Variants in SRRD observed in about 807,000 individuals in gnomAD.
SRRD encodes the protein SRR1-like protein.
In SRRD, 28 loss-of-function variants were observed where a neutral mutation model predicts 30.7. The observed-to-expected ratio is 0.91, with a 90% CI of 0.68 to 1.25. SRRD has a LOEUF of 1.25. Among genes scored for constraint, SRRD ranks in the 50% most tolerant of loss-of-function variants. The pLI is 0.00. For missense variants in SRRD, 415 were observed against 417.3 expected, an observed-to-expected ratio of 0.99 and a Z score of 0.05; for synonymous variants, 161 against 159.6, an observed-to-expected ratio of 1.01 and a Z score of -0.07.
Position 26,494,572 on chromosome 22 carries a change from C to T in SRRD, c.*2900C>T. The T allele has an allele frequency of 4.2e-6, 3 of 712,224 alleles. No homozygotes were observed. The highest frequency in any genetic ancestry group is 6.8e-6 in the Non-Finnish European group (3 of 438,444). The allele number at this position is 712,224 out of a possible 1,614,324, so 44.1% of individuals were successfully genotyped here. On this transcript the variant is annotated 3_prime_UTR_variant, in exon 7 of 7. Transcript: ENST00000215917. ...CCATATCCCCTACCCCATAGGGTTG[C>T]TGAGAGGAGCTGAGATAAAGCAAAT...
chr22:26,489,710 G>A (rs1049683051), intron 4 of SRRD, among the ~76,000 whole-genome samples: 2 of 152,114 alleles, frequency 1.3e-5, no homozygotes, highest in African/African-American at 2.4e-5. Context: ...GAACACAGGG[G>A]AAATACATGG....
intron 1 of SRRD, among the ~76,000 whole-genome samples, chr22:26,485,130 A>G (rs1182803289): frequency 6.6e-6 from 1 of 152,170 alleles, no homozygotes; most frequent in Non-Finnish European, 1.5e-5. Context: ...AACTCAAGGC[A>G]TTTTTCATAT....
intron 4 of SRRD, among the ~76,000 whole-genome samples, chr22:26,488,829 G>A (rs1263269876): frequency 6.6e-6 from 1 of 152,236 alleles, no homozygotes; most frequent in Non-Finnish European, 1.5e-5. Flanking sequence ...GGTCTTTGTG[G>A]TTGGATTTTA....
At chr22:26,488,539 T>G (rs763526000) in intron 4 of SRRD, 51 bp downstream of exon 4, 1 of 1,405,784 alleles carries the variant, frequency 7.1e-7, no homozygotes, top group Non-Finnish European at 1.0e-6. Flanking sequence ...CTGACCAGAC[T>G]CACCCCAGGC....
chr22:26,490,361 G>A (rs192685144), intron 5 of SRRD, among the ~76,000 whole-genome samples, 163 bp downstream of exon 5: 14 of 152,138 alleles, frequency 9.2e-5, no homozygotes, highest in Non-Finnish European at 1.8e-4. Context: ...ATCCTGATTC[G>A]AACTATGAAG....
At position 26,492,298 on chromosome 22, in the gene SRRD, G is replaced by A. The variant is rs201235822; in HGVS notation, c.*626G>A. 1.2e-6 allele frequency: 2 copies of A among 1,614,188 alleles called. No homozygotes were observed. Among genetic ancestry groups the A allele is most frequent in the Non-Finnish European group, 1.7e-6 (2 of 1,180,026 alleles). On this transcript the variant is annotated 3_prime_UTR_variant, in exon 7 of 7. Coordinates refer to ENST00000215917, the MANE Select transcript of SRRD (RefSeq NM_001013694.3). ...GCCTCTCCTGCATGGCCTCGTACTG[G>A]AAGTCCTTCCTCCGCTCCGTGTGGG...
chr22:26,490,227 A>G (rs1409072418), intron 5 of SRRD, 29 bp downstream of exon 5: 1 of 1,612,584 alleles, frequency 6.2e-7, no homozygotes, highest in Non-Finnish European at 8.5e-7. Context: ...AGATTCTGTC[A>G]GGCCCTGAGG....
Position 26,491,910 on chromosome 22 carries a change from G to T in SRRD, c.*238G>T. ...CCTGGCCTGATGTGGAGTAGCTCCT[G>T]AGTAAAGAAGTTACCCTTTTGAAGG... On this transcript the variant is annotated 3_prime_UTR_variant, in exon 7 of 7. Transcript: ENST00000215917. The T allele has an allele frequency of 8.3e-7, 1 of 1,199,590 alleles. No individual in the cohort carries two copies. The highest frequency in any genetic ancestry group is 1.5e-5 in the South Asian group (1 of 66,194). The allele number at this position is 1,199,590 out of a possible 1,614,324, so 74.3% of individuals were successfully genotyped here. A position where few individuals can be genotyped will look rare whatever the true frequency, so the allele number is the denominator to read the frequency against.
At chr22:26,489,525 GGA>G (rs1384483908) in intron 4 of SRRD, among the ~76,000 whole-genome samples, 1 of 152,042 alleles carries the variant, frequency 6.6e-6, no homozygotes, top group African/African-American at 2.4e-5. Flanking sequence ...GAAGCTGCAA[GGA>G]GAGGAGAGGC....
In SRRD at chr22:26,492,838, G is replaced by C. The variant is rs1188016761; in HGVS notation, c.*1166G>C. ...ACATATATTTAGGGAGCTGAAATGA[G>C]TGTTTAAAGGATAATACCAAGACCA... is the stretch of plus-strand genomic sequence containing the variant. On this transcript the variant is annotated 3_prime_UTR_variant, in exon 7 of 7. Transcript: ENST00000215917. 1.2e-5 allele frequency: 2 copies of C among 171,136 alleles called. No homozygotes were observed. Among genetic ancestry groups the C allele is most frequent in the African/African-American group, 4.8e-5 (2 of 41,796 alleles). The allele number at this position is 171,136 out of a possible 1,614,324, so 10.6% of individuals were successfully genotyped here.
chr22:26,488,000 T>C, intron 2 of SRRD, 29 bp from the exon 3 acceptor site: 3 of 1,586,872 alleles, frequency 1.9e-6, no homozygotes, highest in Non-Finnish European at 2.6e-6. Context: ...ACATGCCCTC[T>C]AACTGCATTT....
At chr22:26,484,811 A>G (rs1162901614) in intron 1 of SRRD, among the ~76,000 whole-genome samples, 1 of 152,250 alleles carries the variant, frequency 6.6e-6, no homozygotes, top group African/African-American at 2.4e-5. Context: ...GAAACACTCA[A>G]TAAATGTTAC....
At position 26,491,588 on chromosome 22, in the gene SRRD, G is replaced by GT; in HGVS notation, c.939dup (p.Arg314SerfsTer10). 1 of 1,614,212 alleles carries GT rather than the reference G, an allele frequency of 6.2e-7. No homozygotes were observed. Among genetic ancestry groups the GT allele is most frequent in the South Asian group, 1.1e-5 (1 of 91,088 alleles). ...AACAGCTCTCCATAGATATTTGGGA[G>GT]TTTCGGGAAGAACCAGATTATCAGG... On this transcript the variant is annotated frameshift_variant, in exon 7 of 7. Transcript: ENST00000215917. LOFTEE classifies it low-confidence loss of function (END_TRUNC).
Position 26,488,302 on chromosome 22 carries a change from T to A in SRRD, c.510+14T>A. The A allele has an allele frequency of 6.2e-7, 1 of 1,612,984 alleles. No homozygotes were observed. Among genetic ancestry groups the A allele is most frequent in the Non-Finnish European group, 8.5e-7 (1 of 1,179,040 alleles). ...GAAAAGTGCCAGGTACATTTTTGGA[T>A]TCATTTTCATCTCCTCCTCCTCTGG... On this transcript the variant is annotated intron_variant, in intron 3 of 6. Coordinates refer to ENST00000215917, the MANE Select transcript of SRRD (RefSeq NM_001013694.3).
Position 26,484,099 on chromosome 22 carries a change from A to C in SRRD, c.209A>C (p.Glu70Ala), listed in dbSNP as rs571992433. 7.1e-5 allele frequency: 107 copies of C among 1,509,186 alleles called. No individual in the cohort carries two copies. In the African/African-American group the frequency reaches 1.3e-3, roughly 18 times the overall value. The allele number at this position is 1,509,186 out of a possible 1,614,324, so 93.5% of individuals were successfully genotyped here. ...GTGCTTCGTCGCATCTGGGAGGCTG[A>C]GTGAGTGCAGGCTCGGCCCTGATGG... is the stretch of plus-strand genomic sequence containing the variant. ...GVVLRRIWEA[E>A]KDLFISDFWS... Residue 70 changes from glutamate (E) to alanine (A), a missense_variant and splice_region_variant, in exon 1 of 7, where the codon GAG (glutamate) becomes GCG (alanine). Transcript: ENST00000215917.
chr22:26,484,317 A>G (rs1025406275), intron 1 of SRRD, among the ~76,000 whole-genome samples: 2 of 152,174 alleles, frequency 1.3e-5, no homozygotes, highest in African/African-American at 4.8e-5. Context: ...GTGACCTTGG[A>G]CAATTTATAA....
Position 26,492,448 on chromosome 22 carries a change from T to C in SRRD, c.*776T>C. Reference sequence around the variant, plus strand: ...TTGACACTGTGGCTTGGCCCAGGTCTTGGGTGTGCCAGAGTGCTTGTGACT... The same window carrying C: ...TTGACACTGTGGCTTGGCCCAGGTCCTGGGTGTGCCAGAGTGCTTGTGACT... On this transcript the variant is annotated 3_prime_UTR_variant, in exon 7 of 7. Coordinates refer to ENST00000215917, the MANE Select transcript of SRRD (RefSeq NM_001013694.3). 1 of 1,354,228 alleles carries C rather than the reference T, an allele frequency of 7.4e-7. No homozygotes were observed. Among genetic ancestry groups the C allele is most frequent in the Non-Finnish European group, 1.0e-6 (1 of 964,778 alleles). The allele number at this position is 1,354,228 out of a possible 1,614,324, so 83.9% of individuals were successfully genotyped here.
At position 26,494,461 on chromosome 22, in the gene SRRD, T is replaced by C; in HGVS notation, c.*2789T>C. On this transcript the variant is annotated 3_prime_UTR_variant, in exon 7 of 7. Coordinates refer to ENST00000215917, the MANE Select transcript of SRRD (RefSeq NM_001013694.3). ...CTAAACAGTCTAGCACTTATGAATATGGATTTTGGAGTCAGCCTGGTAGCT... is the reference window on the plus strand; with the variant it reads ...CTAAACAGTCTAGCACTTATGAATACGGATTTTGGAGTCAGCCTGGTAGCT... The C allele has an allele frequency of 1.1e-6, 1 of 925,486 alleles. No individual in the cohort carries two copies. Among genetic ancestry groups the C allele is most frequent in the Non-Finnish European group, 1.6e-6 (1 of 615,906 alleles). 57.3% of individuals were successfully genotyped at this position (925,486 alleles called of 1,614,324 possible). A position where few individuals can be genotyped will look rare whatever the true frequency, so the allele number is the denominator to read the frequency against.
intron 1 of SRRD, 86 bp from the exon 2 acceptor site, chr22:26,485,937 A>G: frequency 6.6e-7 from 1 of 1,518,794 alleles, no homozygotes; most frequent in African/African-American, 1.4e-5. Context: ...TCATTCTGTA[A>G]GCATTCAGGT....
Sources: allele counts gnomAD v4.1 joint callset (sites outside exome capture counted in the v4.1 genomes callset), GRCh38; gene constraint gnomAD v4.1.1; transcripts MANE v1.5; gene names NCBI Gene and HGNC (gene_info 2026-07-23, HGNC 2026-07-21).